The following TRIM6 variants were observed in gnomAD, a reference collection of about 807,000 sequenced individuals.
TRIM6 encodes the protein tripartite motif containing 6.
A neutral mutation model predicts 51.2 loss-of-function variants in TRIM6; 43 were observed. That is an observed-to-expected ratio of 0.84 (90% confidence interval 0.66 to 1.08). TRIM6 has a LOEUF of 1.08. Among genes scored for constraint, TRIM6 ranks in the 50% least tolerant of loss-of-function variants. TRIM6 has a pLI of 0.00. For synonymous variants in TRIM6, 215 were observed against 232.4 expected (o/e 0.93, Z 0.68); for missense variants, 669 against 619.0 (o/e 1.08, Z -0.86).
In TRIM6 at chr11:5,605,317, T is replaced by C; in HGVS notation, c.604-20T>C. ...CAGTGTGACCGACTAGCAGCCTCTT[T>C]TTCTTCCCTGTTCCTGAAGAATCAG... On this transcript the variant is annotated intron_variant, in intron 3 of 7. Transcript: ENST00000380097. 1 of 1,613,814 alleles carries C rather than the reference T, an allele frequency of 6.2e-7. No homozygotes were observed. Among genetic ancestry groups the C allele is most frequent in the East Asian group, 2.2e-5 (1 of 44,888 alleles).
chr11:5,601,482 G>A (rs1230487932), intron 1 of TRIM6, among the ~76,000 whole-genome samples: 4 of 152,218 alleles, frequency 2.6e-5, no homozygotes, highest in Non-Finnish European at 4.4e-5. Context: ...CCCAGGCTGG[G>A]CGCAGTGGCT....
intron 1 of TRIM6, among the ~76,000 whole-genome samples, chr11:5,601,128 C>G (rs1447662593): frequency 6.6e-6 from 1 of 152,182 alleles, no homozygotes; most frequent in African/African-American, 2.4e-5. Flanking sequence ...TTAAGACAGG[C>G]CCTGGCAAAA....
chr11:5,596,932 T>C lies in TRIM6; in HGVS notation c.17+18T>C. ...TCAGAGAGGTATGTCTACCGTTCTG[T>C]TGACTGGCTCTTATTGTCACTTCTG... On this transcript the variant is annotated intron_variant, in intron 1 of 7. Transcript: ENST00000380097. The C allele has an allele frequency of 6.2e-7, 1 of 1,614,104 alleles. No individual in the cohort carries two copies. Among genetic ancestry groups the C allele is most frequent in the Non-Finnish European group, 8.5e-7 (1 of 1,179,990 alleles).
At position 5,604,290 on chromosome 11, in the gene TRIM6, A is replaced by C. The variant is rs563956654; in HGVS notation, c.508-244A>C. ...CAGCCTCCCAAAGTGCTGGGATTACAGGCGTGAGCCACAGGTGCTTTGTGG... is the reference window on the plus strand; with the variant it reads ...CAGCCTCCCAAAGTGCTGGGATTACCGGCGTGAGCCACAGGTGCTTTGTGG... On this transcript the variant is annotated intron_variant, in intron 2 of 7. Transcript: ENST00000380097. Among the ~76,000 whole-genome samples, 4 of 152,350 alleles carry C rather than the reference A, an allele frequency of 2.6e-5. No homozygotes were observed. The South Asian group carries it at 8.3e-4, about 32-fold the overall frequency.
Position 5,603,627 on chromosome 11 carries a change from G to C in TRIM6, c.399G>C (p.Gln133His), listed in dbSNP as rs1848009244. 6.2e-7 allele frequency: 1 copy of C among 1,613,664 alleles called. No individual in the cohort carries two copies. Among genetic ancestry groups the C allele is most frequent in the Non-Finnish European group, 8.5e-7 (1 of 1,180,000 alleles). The change falls in exon 2 of 8, where the codon CAG becomes CAC. Residue 133 changes from glutamine to histidine, a missense_variant. Physicochemically the swap from Gln to His is conservative, Grantham distance 24. Transcript: ENST00000380097. ...VLCADHGEKLQLFCQEDGKVI... is the reference protein window; with the variant it reads ...VLCADHGEKLHLFCQEDGKVI... ...GTGCAGACCATGGAGAAAAACTGCA[G>C]CTCTTCTGTCAGGAGGATGGGAAGG... is the stretch of plus-strand genomic sequence containing the variant.
chr11:5,600,524 C>A (rs1341277808), intron 1 of TRIM6, among the ~76,000 whole-genome samples: 3 of 152,126 alleles, frequency 2.0e-5, no homozygotes, highest in Non-Finnish European at 4.4e-5. Context: ...CTTATGCTTA[C>A]ATCCCATGAC....
At chr11:5,604,449 A>G in intron 2 of TRIM6, 85 bp from the exon 3 acceptor site, 6 of 1,430,722 alleles carry the variant, frequency 4.2e-6, no homozygotes, top group Middle Eastern at 1.8e-4. Flanking sequence ...TGAGGTTAGC[A>G]GAATCTCTGT....
In TRIM6 at chr11:5,612,374, T is replaced by G. The variant is rs1848610539; in HGVS notation, c.*1032T>G. 6.6e-6 allele frequency: 1 copy of G among 152,146 alleles called. No individual in the cohort carries two copies. The highest frequency in any genetic ancestry group is 6.6e-5 in the Admixed American group (1 of 15,258). The allele number at this position is 152,146 out of a possible 1,614,324, so 9.4% of individuals were successfully genotyped here. A position where few individuals can be genotyped will look rare whatever the true frequency, so the allele number is the denominator to read the frequency against. On this transcript the variant is annotated 3_prime_UTR_variant, in exon 8 of 8. Coordinates refer to ENST00000380097, the MANE Select transcript of TRIM6 (RefSeq NM_001003818.3). ...TTCACTACAATCTTCACTACAACCT[T>G]TGGCCTTCCTCTCTACATTTAAGAG...
chr11:5,605,482 A>G lies in TRIM6; in HGVS notation c.749A>G (p.Asp250Gly), dbSNP rs772795510. The G allele has an allele frequency of 5.0e-6, 8 of 1,614,210 alleles. No homozygotes were observed. The highest frequency in any genetic ancestry group is 6.8e-6 in the Non-Finnish European group (8 of 1,180,048). The change falls in exon 4 of 8, where the codon GAT becomes GGT. Residue 250 changes from aspartate (D) to glycine (G), a missense_variant. Physicochemically the swap from Asp to Gly is moderately conservative, Grantham distance 94. Coordinates refer to ENST00000380097, the MANE Select transcript of TRIM6 (RefSeq NM_001003818.3). ...CGAATTATAGAAGAGGCTGAGAATG[A>G]TCTGGTCCACCAGACCCAGTCGCTG... The part of the protein sequence containing the change: ...GLRIIEEAEN[D>G]LVHQTQSLRE...
At position 5,612,944 on chromosome 11, in the gene TRIM6, T is replaced by C. The variant is rs930412776; in HGVS notation, c.*1602T>C. The C allele has an allele frequency of 1.4e-4, 22 of 152,232 alleles. No homozygotes were observed. The highest frequency in any genetic ancestry group is 5.3e-4 in the African/African-American group (22 of 41,458). The allele number at this position is 152,232 out of a possible 1,614,324, so 9.4% of individuals were successfully genotyped here. ...CTATTGGATTAAATAAAGTATGTTATTCATTTTACCTGTTTCATTTTACTT... is the reference window on the plus strand; with the variant it reads ...CTATTGGATTAAATAAAGTATGTTACTCATTTTACCTGTTTCATTTTACTT... On this transcript the variant is annotated 3_prime_UTR_variant, in exon 8 of 8. Transcript: ENST00000380097.
At position 5,611,392 on chromosome 11, in the gene TRIM6, G is replaced by C; in HGVS notation, c.*50G>C. ...CTGATAAGTACCCTGAGGCTTATCA[G>C]CATGTGATTCTCCCTTCTGATCTTC... On this transcript the variant is annotated 3_prime_UTR_variant, in exon 8 of 8. Transcript: ENST00000380097. The C allele has an allele frequency of 7.3e-7, 1 of 1,369,732 alleles. No individual in the cohort carries two copies. The highest frequency in any genetic ancestry group is 1.0e-6 in the Non-Finnish European group (1 of 986,184). The allele number at this position is 1,369,732 out of a possible 1,614,324, so 84.8% of individuals were successfully genotyped here.
rs61756355 is a variant in TRIM6 at position 5,610,788 on chromosome 11, C to A, written c.997C>A (p.Leu333Met). ...DVQSYWVDVT[L>M]NPHTANLNLV... The stretch of plus-strand genomic sequence containing the variant: ...ACCTTTTCCTACAGTTGACGTGACC[C>A]TGAATCCACACACAGCTAATTTAAA... Residue 333 changes from leucine (L) to methionine (M), a missense_variant, in exon 8 of 8, where the codon CTG becomes ATG. Transcript: ENST00000380097. 0.035 allele frequency: 55,936 copies of A among 1,613,956 alleles called. 1,332 individuals are homozygous for A. The highest frequency in any genetic ancestry group is 0.066 in the South Asian group (5,978 of 91,046).
chr11:5,607,216 T>A lies in TRIM6; in HGVS notation c.835-1156T>A, dbSNP rs553397112. On this transcript the variant is annotated intron_variant, in intron 4 of 7. Transcript: ENST00000380097. The stretch of plus-strand genomic sequence containing the variant: ...AAGACTCCATCTCAAAAAAAAAAAA[T>A]ATTTTATAGCCAAGATAAAAGCTTC... 6.6e-5 allele frequency among the ~76,000 whole-genome samples: 10 copies of A among 151,290 alleles called. No homozygotes were observed. In the East Asian group the frequency reaches 9.9e-4, roughly 15 times the overall value.
At chr11:5,608,240 T>A in intron 4 of TRIM6, 132 bp from the exon 5 acceptor site, 1 of 1,374,286 alleles carries the variant, frequency 7.3e-7, no homozygotes, top group Non-Finnish European at 9.7e-7. Flanking sequence ...GAGTTTTTTC[T>A]CTACTTTGTG....
Position 5,604,177 on chromosome 11 carries a change from CGT to C in TRIM6, c.508-344_508-343del, listed in dbSNP as rs138228287. On this transcript the variant is annotated intron_variant, in intron 2 of 7. Transcript: ENST00000380097. Reference sequence around the variant, plus strand: ...GCCCAGCTAATTGTGTGTGTGTGTGCGTGTGTGTGTGTGTTTAGTAGAGATGG... The same window carrying C: ...GCCCAGCTAATTGTGTGTGTGTGTGCGTGTGTGTGTGTTTAGTAGAGATGG... Among the ~76,000 whole-genome samples the C allele has an allele frequency of 1.4e-4, 18 of 131,418 alleles. No homozygotes were observed. The South Asian group carries it at 1.6e-3, about 12-fold the overall frequency. The allele number at this position is 131,418 out of a possible 152,430, so 86.2% of individuals were successfully genotyped here. A position where few individuals can be genotyped will look rare whatever the true frequency, so the allele number is the denominator to read the frequency against.
chr11:5,610,057 C>A, intron 5 of TRIM6, 88 bp from the exon 6 acceptor site: 1 of 1,369,382 alleles, frequency 7.3e-7, no homozygotes, highest in Non-Finnish European at 1.0e-6. Context: ...GATTGGAATT[C>A]ATCAGTAGGC....
chr11:5,611,060 T>A lies in TRIM6; in HGVS notation c.1269T>A (p.Tyr423Ter). 6.2e-7 allele frequency: 1 copy of A among 1,614,222 alleles called. No homozygotes were observed. Among genetic ancestry groups the A allele is most frequent in the Middle Eastern group, 1.6e-4 (1 of 6,062 alleles). ...AAAATCACAGTGCTTACTCCAGGTATCAGCCTCAGAGTGGATACTGGGTGA... is the reference window on the plus strand; with the variant it reads ...AAAATCACAGTGCTTACTCCAGGTAACAGCCTCAGAGTGGATACTGGGTGA... ...FAQNHSAYSR[Y>*]QPQSGYWVIG... The change falls in exon 8 of 8, where the codon TAT (tyrosine) becomes TAA (stop). Residue 423 changes from tyrosine to a stop codon, truncating the protein, a stop_gained. Coordinates refer to ENST00000380097, the MANE Select transcript of TRIM6 (RefSeq NM_001003818.3). LOFTEE classifies it high-confidence loss of function.
intron 3 of TRIM6, 152 bp downstream of exon 3, chr11:5,604,781 CA>C (rs1848105793): frequency 2.8e-6 from 2 of 723,122 alleles, no homozygotes; most frequent in South Asian, 2.6e-5. Flanking sequence ...TCCTTCCAAA[CA>C]GGGGGAGGAG....
At chr11:5,599,630 C>G (rs1469944010) in intron 1 of TRIM6, among the ~76,000 whole-genome samples, 1 of 152,168 alleles carries the variant, frequency 6.6e-6, no homozygotes, top group East Asian at 1.9e-4. Context: ...GTCTCGATCT[C>G]CTGACCTTGT....
Sources: allele counts gnomAD v4.1 joint callset (sites outside exome capture counted in the v4.1 genomes callset), GRCh38; gene constraint gnomAD v4.1.1; transcripts MANE v1.5; gene names NCBI Gene and HGNC (gene_info 2026-07-23, HGNC 2026-07-21).